RABEP2: variants seen among roughly 807,000 people sequenced by gnomAD.
The protein encoded by RABEP2 is rab GTPase-binding effector protein 2.
In RABEP2, 57 loss-of-function variants were observed where a neutral mutation model predicts 74.1. That is an observed-to-expected ratio of 0.77 (90% confidence interval 0.62 to 0.96). RABEP2 has a LOEUF of 0.96. Ranked by LOEUF, RABEP2 falls within the 40% of genes least tolerant of loss-of-function variation. The pLI, the probability that RABEP2 is intolerant of heterozygous loss-of-function variation, is 0.00. For missense variants in RABEP2, 692 were observed against 756.3 expected, an observed-to-expected ratio of 0.91 and a Z score of 1.00; for synonymous variants, 351 against 344.0, an observed-to-expected ratio of 1.02 and a Z score of -0.23.
chr16:28,925,029 CA>C, intron 1 of RABEP2, 73 bp downstream of exon 1: 1 of 1,457,552 alleles, frequency 6.9e-7, no homozygotes, highest in South Asian at 1.2e-5. Flanking sequence ...CTCCACCCCC[CA>C]TCCGCAGGTG....
At position 28,924,399 on chromosome 16, in the gene RABEP2, T is replaced by A; in HGVS notation, c.274+4A>T. On this transcript the variant is annotated splice_donor_region_variant and intron_variant, in intron 2 of 12. Transcript: ENST00000358201. The stretch of plus-strand genomic sequence containing the variant: ...GGGGAGTCTAGGTGAGTCCCGCGTC[T>A]CACCTTTCAGGATGGCCTGCAGCGA... 1 of 1,611,242 alleles carries A rather than the reference T, an allele frequency of 6.2e-7. No homozygotes were observed. Among genetic ancestry groups the A allele is most frequent in the Non-Finnish European group, 8.5e-7 (1 of 1,179,828 alleles).
In RABEP2 at chr16:28,914,359, G is replaced by T. The variant is rs1964356115; in HGVS notation, c.771C>A (p.Ser257Arg). ...GCGAGGCCGTCTCTTCCTGTTCAGG[G>T]CTCAGGCCCTGGCGGCTTTGGGGCA... ...SSLPQSRQGLSPEQEETASLV... is the reference protein window; with the variant it reads ...SSLPQSRQGLRPEQEETASLV... The change falls in exon 5 of 13, where the codon AGC (serine) becomes AGA (arginine). Residue 257 changes from serine to arginine, a missense_variant. Ser to Arg is a moderately radical substitution (Grantham distance 110). Transcript: ENST00000358201. 1.9e-6 allele frequency: 3 copies of T among 1,613,480 alleles called. No individual in the cohort carries two copies. In the Admixed American group the frequency reaches 5.0e-5, roughly 27 times the overall value.
At chr16:28,917,079 T>C (rs1447996171) in intron 3 of RABEP2, among the ~76,000 whole-genome samples, 1 of 152,136 alleles carries the variant, frequency 6.6e-6, no homozygotes, top group Admixed American at 6.6e-5. Flanking sequence ...AATCGATTTG[T>C]TCTCCCACAC....
chr16:28,905,409 G>A lies in RABEP2; in HGVS notation c.1596C>T (p.Ser532=), dbSNP rs1964210903. Residue 532 remains serine, a synonymous_variant, in exon 12 of 13, where the codon TCC becomes TCT. Transcript: ENST00000358201. The part of the protein sequence containing the change: ...EQVQRDFVRL[S]QALQVRLERI... Reference sequence around the variant, plus strand: ...GGACAGGCCATACCTGCAGGGCCTGGGACAGTCGCACGAAATCCCTCTGCA... The same window carrying A: ...GGACAGGCCATACCTGCAGGGCCTGAGACAGTCGCACGAAATCCCTCTGCA... 2 of 1,605,946 alleles carry A rather than the reference G, an allele frequency of 1.2e-6. No homozygotes were observed. The highest frequency in any genetic ancestry group is 8.5e-7 in the Non-Finnish European group (1 of 1,177,202).
chr16:28,920,734 C>T (rs1428285399), intron 2 of RABEP2, among the ~76,000 whole-genome samples: 2 of 151,964 alleles, frequency 1.3e-5, no homozygotes, highest in African/African-American at 2.4e-5. Flanking sequence ...GGTACATGTG[C>T]ACAACATGCA....
In RABEP2 at chr16:28,914,186, C is replaced by G. The variant is rs747955990; in HGVS notation, c.894+50G>C. ...AACACAGGTGGTGCGGGGGAAGCAT[C>G]CAGCAGAGAGGGGGATGGTACACCC... is the stretch of plus-strand genomic sequence containing the variant. On this transcript the variant is annotated intron_variant, in intron 5 of 12. Transcript: ENST00000358201. 30 of 1,453,862 alleles carry G rather than the reference C, an allele frequency of 2.1e-5. No homozygotes were observed. The African/African-American group carries it at 4.1e-4, about 20-fold the overall frequency. 90.1% of individuals were successfully genotyped at this position (1,453,862 alleles called of 1,614,324 possible). A position where few individuals can be genotyped will look rare whatever the true frequency, so the allele number is the denominator to read the frequency against.
intron 5 of RABEP2, among the ~76,000 whole-genome samples, chr16:28,912,860 T>C (rs939705341): frequency 6.6e-6 from 1 of 152,050 alleles, no homozygotes; most frequent in Non-Finnish European, 1.5e-5. Context: ...GGTCTCCTCT[T>C]CTCTCCTCCC....
Position 28,924,541 on chromosome 16 carries a change from C to A in RABEP2, c.136G>T (p.Glu46Ter). The A allele has an allele frequency of 6.2e-7, 1 of 1,613,966 alleles. No homozygotes were observed. The highest frequency in any genetic ancestry group is 1.3e-5 in the African/African-American group (1 of 75,046). ...ESGELSRLRA[E>*]LAGALAEMET... ...ATTTCTGCCAGGGCGCCTGCCAGCTCAGCCCGAAGCCGGCTGAGCTCACCT... is the reference window on the plus strand; with the variant it reads ...ATTTCTGCCAGGGCGCCTGCCAGCTAAGCCCGAAGCCGGCTGAGCTCACCT... Residue 46 changes from glutamate (E) to a stop codon, truncating the protein, a stop_gained, in exon 2 of 13, where the codon GAG (glutamate) becomes TAG (stop). Coordinates refer to ENST00000358201, the MANE Select transcript of RABEP2 (RefSeq NM_024816.3). LOFTEE classifies it high-confidence loss of function.
At position 28,905,727 on chromosome 16, in the gene RABEP2, G is replaced by A. The variant is rs184144701; in HGVS notation, c.1468C>T (p.Arg490Trp). The A allele has an allele frequency of 3.0e-5, 48 of 1,613,902 alleles. No homozygotes were observed. The East Asian group carries it at 7.4e-4, about 25-fold the overall frequency. The change falls in exon 11 of 13, where the codon CGG (arginine) becomes TGG (tryptophan). Residue 490 changes from arginine (R) to tryptophan (W), a missense_variant. Transcript: ENST00000358201. ...ACCTTGCTCTGTTCCTGCTGCACCC[G>A]CTCCATCTCTGTCCTCAGGCTGCAC... Reference protein sequence around the residue: ...SLCSLRTEMERVQQEQSKAQL... With the variant: ...SLCSLRTEMEWVQQEQSKAQL...
chr16:28,907,835 C>T (rs1197438095), intron 8 of RABEP2, among the ~76,000 whole-genome samples: 1 of 151,766 alleles, frequency 6.6e-6, no homozygotes, highest in Non-Finnish European at 1.5e-5. Flanking sequence ...GAGTTTCACT[C>T]GTTACCCAGG....
chr16:28,917,190 A>G (rs902748582), intron 3 of RABEP2, among the ~76,000 whole-genome samples: 1 of 152,140 alleles, frequency 6.6e-6, no homozygotes, highest in South Asian at 2.1e-4. Context: ...ATCTCCGCTT[A>G]TATGTCCCAC....
rs1447076601 is a variant in RABEP2, at chr16:28,910,953, C to CT, written c.1023dup (p.Glu342ArgfsTer35). The CT allele has an allele frequency of 6.2e-7, 1 of 1,612,984 alleles. No homozygotes were observed. Among genetic ancestry groups the CT allele is most frequent in the East Asian group, 2.2e-5 (1 of 44,884 alleles). On this transcript the variant is annotated frameshift_variant, in exon 7 of 13. Transcript: ENST00000358201. LOFTEE classifies it high-confidence loss of function. ...CCTTGCAGGGTCCGCAGCAGCTGCT[C>CT]TGAGTTCTGGACCTGGGCCAGGAGC...
chr16:28,911,129 C>T lies in RABEP2; in HGVS notation c.945G>A (p.Glu315=), dbSNP rs778353516. The T allele has an allele frequency of 6.2e-7, 1 of 1,612,922 alleles. No homozygotes were observed. The highest frequency in any genetic ancestry group is 1.1e-5 in the South Asian group (1 of 91,082). ...TGCTCCGTCTCAGGCCCTCTTGGAG[C>T]TCGTCCCGCTCGCGACTGACGCTCT... is the stretch of plus-strand genomic sequence containing the variant. ...DLESVSRERD[E]LQEGLRRSNE... is the part of the protein sequence containing the mutation. The change falls in exon 6 of 13, where the codon GAG becomes GAA. Residue 315 remains glutamate (E), a synonymous_variant. Transcript: ENST00000358201.
chr16:28,908,853 G>C, intron 7 of RABEP2, 89 bp from the exon 8 acceptor site: 2 of 1,364,474 alleles, frequency 1.5e-6, no homozygotes, highest in South Asian at 2.8e-5. Context: ...CCTCCTCCCA[G>C]ACTGACAGCA....
At position 28,905,395 on chromosome 16, in the gene RABEP2, A is replaced by T; in HGVS notation, c.1608+2T>A. ...GCCTGGCGGGGCTGGGACAGGCCAT[A>T]CCTGCAGGGCCTGGGACAGTCGCAC... On this transcript the variant is annotated splice_donor_variant, in intron 12 of 12. Transcript: ENST00000358201. LOFTEE classifies it high-confidence loss of function. 6.9e-6 allele frequency: 11 copies of T among 1,601,882 alleles called. No individual in the cohort carries two copies. Among genetic ancestry groups the T allele is most frequent in the Non-Finnish European group, 9.4e-6 (11 of 1,173,848 alleles).
intron 5 of RABEP2, among the ~76,000 whole-genome samples, chr16:28,913,447 A>T (rs1964340648): frequency 6.6e-6 from 1 of 152,020 alleles, no homozygotes; most frequent in East Asian, 1.9e-4. Flanking sequence ...TAATTTACCC[A>T]TGTTAAATAT....
At chr16:28,923,429 A>G (rs1964493582) in intron 2 of RABEP2, among the ~76,000 whole-genome samples, 1 of 149,578 alleles carries the variant, frequency 6.7e-6, no homozygotes, top group Admixed American at 6.7e-5. Context: ...TGACTCAAGA[A>G]AAAAAAAAAA....
chr16:28,910,941 G>A lies in RABEP2; in HGVS notation c.1036C>T (p.Arg346Trp), dbSNP rs752481438. 15 of 1,612,840 alleles carry A rather than the reference G, an allele frequency of 9.3e-6. No homozygotes were observed. Among genetic ancestry groups the A allele is most frequent in the South Asian group, 8.8e-5 (8 of 90,972 alleles). The change falls in exon 7 of 13, where the codon CGG (arginine) becomes TGG (tryptophan). Residue 346 changes from arginine to tryptophan, a missense_variant. Physicochemically the swap from Arg to Trp is moderately radical, Grantham distance 101. Coordinates refer to ENST00000358201, the MANE Select transcript of RABEP2 (RefSeq NM_024816.3). ...TGGCTCACGGTCCCTTGCAGGGTCC[G>A]CAGCAGCTGCTCTGAGTTCTGGACC... is the stretch of plus-strand genomic sequence containing the variant. Reference protein sequence around the residue: ...AQVQNSEQLLRTLQGTVSQAQ... With the variant: ...AQVQNSEQLLWTLQGTVSQAQ...
rs1964508137 is a variant in RABEP2 at position 28,924,517 on chromosome 16, T to C, written c.160A>G (p.Met54Val). The C allele has an allele frequency of 1.2e-6, 2 of 1,613,972 alleles. No homozygotes were observed. Among genetic ancestry groups the C allele is most frequent in the South Asian group, 2.2e-5 (2 of 91,094 alleles). The stretch of plus-strand genomic sequence containing the variant: ...TCTGCCACAGCCTTCATGGTTTCCA[T>C]TTCTGCCAGGGCGCCTGCCAGCTCA... ...RAELAGALAE[M>V]ETMKAVAEVS... The change falls in exon 2 of 13, where the codon ATG becomes GTG. Residue 54 changes from methionine to valine, a missense_variant. By Grantham distance (21) the Met-to-Val change is conservative. Coordinates refer to ENST00000358201, the MANE Select transcript of RABEP2 (RefSeq NM_024816.3).
Sources: gnomAD v4.1 joint callset for allele counts (sites outside exome capture counted in the v4.1 genomes callset) on GRCh38, gnomAD v4.1.1 for gene constraint, MANE v1.5 for transcripts, NCBI Gene and HGNC (gene_info 2026-07-23, HGNC 2026-07-21) for gene names.